ADAMTS20: variants seen among roughly 807,000 people sequenced by gnomAD.
ADAMTS20 encodes the protein ADAM metallopeptidase with thrombospondin type 1 motif 20.
ADAMTS20 carries 225 observed loss-of-function variants against 260.1 expected under a neutral mutation model. The ratio of observed to expected loss-of-function variants is 0.87; its 90% confidence interval spans 0.78 to 0.97. The LOEUF is 0.97. ADAMTS20 is among the 50% of genes least tolerant of loss of function. The pLI is 0.00. For synonymous variants in ADAMTS20, 802 were observed against 769.5 expected (o/e 1.04, Z -0.70); for missense variants, 2,400 against 2,337.7 (o/e 1.03, Z -0.55).
chr12:43,532,533 A>G (rs1245662988), intron 2 of ADAMTS20, among the ~76,000 whole-genome samples: 2 of 122,020 alleles, frequency 1.6e-5, no homozygotes, highest in Non-Finnish European at 3.4e-5. Flanking sequence ...CTGTGGGAAA[A>G]TAGATACTTT....
intron 28 of ADAMTS20, among the ~76,000 whole-genome samples, chr12:43,408,972 C>T (rs925875130): frequency 6.6e-6 from 1 of 152,068 alleles, no homozygotes; most frequent in East Asian, 1.9e-4. Context: ...TATGAAGAAA[C>T]CTGAAATAGT....
chr12:43,371,824 A>G (rs1940115073), intron 36 of ADAMTS20, among the ~76,000 whole-genome samples: 1 of 152,226 alleles, frequency 6.6e-6, no homozygotes, highest in Non-Finnish European at 1.5e-5. Context: ...AGTGAAATGC[A>G]CAATTTTGTC....
intron 31 of ADAMTS20, among the ~76,000 whole-genome samples, chr12:43,382,907 AT>A (rs544097027): frequency 1.3e-5 from 2 of 152,176 alleles, no homozygotes; most frequent in Non-Finnish European, 2.9e-5. Context: ...ATGGAATATT[AT>A]TCAACAATAA....
chr12:43,502,099 T>G lies in ADAMTS20; in HGVS notation c.867+53A>C, dbSNP rs190967785. 2.5e-4 allele frequency: 360 copies of G among 1,456,726 alleles called. 1 individual carries two copies. In the African/African-American group the frequency reaches 4.9e-3, roughly 20 times the overall value. 90.2% of individuals were successfully genotyped at this position (1,456,726 alleles called of 1,614,324 possible). ...AAAATTTAATTCGACATGAAAAAATTTCATTAAGCTAAACATTTTAGGAAA... is the reference window on the plus strand; with the variant it reads ...AAAATTTAATTCGACATGAAAAAATGTCATTAAGCTAAACATTTTAGGAAA... On this transcript the variant is annotated intron_variant, in intron 4 of 38. Transcript: ENST00000389420.
chr12:43,428,367 G>C lies in ADAMTS20; in HGVS notation c.3819C>G (p.Ser1273=). Residue 1273 remains serine (S), a synonymous_variant, in exon 26 of 39, where the codon TCC becomes TCG. Transcript: ENST00000389420. ...CPPAHSHFPS[S]PVQPSYYLST... is the part of the protein sequence containing the mutation. Reference sequence around the variant, plus strand: ...TTAGATAATAGCTTGGCTGCACAGGGGAACTAGGAAAGTGGCTGTGTGCAG... The same window carrying C: ...TTAGATAATAGCTTGGCTGCACAGGCGAACTAGGAAAGTGGCTGTGTGCAG... 1 of 1,613,834 alleles carries C rather than the reference G, an allele frequency of 6.2e-7. No homozygotes were observed. The highest frequency in any genetic ancestry group is 1.1e-5 in the South Asian group (1 of 91,072).
rs944179821 is a variant in ADAMTS20 at position 43,375,393 on chromosome 12, G to T, written c.5432C>A (p.Ser1811Tyr). ...VFSKIRIDLTSMQIKTTDLLF... is the reference protein window; with the variant it reads ...VFSKIRIDLTYMQIKTTDLLF... ...TGAGCACTTACTTTTAATTTGCATG[G>T]AAGTGAGATCAATTCTTATTTTGCT... Residue 1811 changes from serine to tyrosine, a missense_variant, in exon 36 of 39, where the codon TCC (serine) becomes TAC (tyrosine). Physicochemically the swap from Ser to Tyr is moderately radical, Grantham distance 144. Coordinates refer to ENST00000389420, the MANE Select transcript of ADAMTS20 (RefSeq NM_025003.5). The T allele has an allele frequency of 1.2e-5, 20 of 1,612,656 alleles. No homozygotes were observed. Among genetic ancestry groups the T allele is most frequent in the Non-Finnish European group, 1.6e-5 (19 of 1,179,612 alleles).
At chr12:43,375,277 G>T in intron 36 of ADAMTS20, 102 bp downstream of exon 36, 1 of 1,271,066 alleles carries the variant, frequency 7.9e-7, no homozygotes, top group Non-Finnish European at 1.1e-6. Flanking sequence ...CACAATGTCA[G>T]GTCCTTCTCT....
At chr12:43,400,674 T>G (rs1186014181) in intron 28 of ADAMTS20, among the ~76,000 whole-genome samples, 1 of 151,918 alleles carries the variant, frequency 6.6e-6, no homozygotes, top group African/African-American at 2.4e-5. Context: ...CTTTCTTTTC[T>G]TCATTGTTTA....
At chr12:43,375,849 T>C (rs1940214106) in intron 35 of ADAMTS20, among the ~76,000 whole-genome samples, 1 of 152,278 alleles carries the variant, frequency 6.6e-6, no homozygotes, top group East Asian at 1.9e-4. Context: ...TCTCTGTTAA[T>C]AGTCAATATT....
chr12:43,434,962 G>A (rs1250297580), intron 18 of ADAMTS20, among the ~76,000 whole-genome samples: 5 of 151,496 alleles, frequency 3.3e-5, no homozygotes, highest in Admixed American at 6.6e-5. Context: ...TGGAATCATG[G>A]AAAAAAAAGG....
At position 43,399,055 on chromosome 12, in the gene ADAMTS20, A is replaced by G. The variant is rs1448209953; in HGVS notation, c.4452+11T>C. 1.5e-6 allele frequency: 2 copies of G among 1,376,170 alleles called. No homozygotes were observed. Among genetic ancestry groups the G allele is most frequent in the East Asian group, 2.8e-5 (1 of 35,702 alleles). The allele number at this position is 1,376,170 out of a possible 1,614,324, so 85.2% of individuals were successfully genotyped here. On this transcript the variant is annotated intron_variant, in intron 29 of 38. Coordinates refer to ENST00000389420, the MANE Select transcript of ADAMTS20 (RefSeq NM_025003.5). Reference sequence around the variant, plus strand: ...AAATACATATATAATTATAAAATATACATCATATACCTCATTCCAGCTATT... The same window carrying G: ...AAATACATATATAATTATAAAATATGCATCATATACCTCATTCCAGCTATT...
intron 19 of ADAMTS20, among the ~76,000 whole-genome samples, chr12:43,433,953 C>T (rs1376610637): frequency 6.6e-6 from 1 of 152,092 alleles, no homozygotes; most frequent in African/African-American, 2.4e-5. Flanking sequence ...ATCTTTAAAC[C>T]ATCCATTTTC....
In ADAMTS20 at chr12:43,449,505, G is replaced by A. The variant is rs563140128; in HGVS notation, c.2079+2769C>T. 2.6e-5 allele frequency among the ~76,000 whole-genome samples: 4 copies of A among 152,082 alleles called. No individual in the cohort carries two copies. The South Asian group carries it at 6.2e-4, about 24-fold the overall frequency. ...GCTGAGGGTGGAGGGTAGGAGGCGC[G>A]AGAGGATCAGAAAAAGTAACTATTG... is the stretch of plus-strand genomic sequence containing the variant. On this transcript the variant is annotated intron_variant, in intron 14 of 38. Transcript: ENST00000389420.
chr12:43,364,481 T>C (rs1939939866), intron 37 of ADAMTS20, among the ~76,000 whole-genome samples: 1 of 152,136 alleles, frequency 6.6e-6, no homozygotes, highest in South Asian at 2.1e-4. Context: ...GGAGGTATGA[T>C]AACTGTGTCT....
Position 43,464,655 on chromosome 12 carries a change from C to CAGAA in ADAMTS20, c.1444_1445insTTCT (p.Arg482LeufsTer4). The CAGAA allele has an allele frequency of 6.2e-7, 1 of 1,613,428 alleles. No homozygotes were observed. The highest frequency in any genetic ancestry group is 8.5e-7 in the Non-Finnish European group (1 of 1,179,476). ...CTCACACTGCTTGTTTCCATCATAT[C>CAGAA]GTGATCCAGGAAGTTCTGAAGGCAG... On this transcript the variant is annotated frameshift_variant, in exon 10 of 39. Coordinates refer to ENST00000389420, the MANE Select transcript of ADAMTS20 (RefSeq NM_025003.5). LOFTEE classifies it high-confidence loss of function.
At chr12:43,397,753 C>CT (rs35697236) in intron 29 of ADAMTS20, among the ~76,000 whole-genome samples, 3 of 152,112 alleles carry the variant, frequency 2.0e-5, no homozygotes, top group Admixed American at 1.3e-4. Flanking sequence ...AATAATACAT[C>CT]TTTTTTTGTG....
At chr12:43,539,385 G>C (rs1256481801) in intron 2 of ADAMTS20, among the ~76,000 whole-genome samples, 1 of 152,142 alleles carries the variant, frequency 6.6e-6, no homozygotes. Flanking sequence ...AGGATTACAC[G>C]TTTTTAAATA....
intron 11 of ADAMTS20, among the ~76,000 whole-genome samples, chr12:43,462,368 T>C (rs983343481): frequency 5.9e-5 from 9 of 152,198 alleles, no homozygotes; most frequent in African/African-American, 2.4e-5. Context: ...TTATTCAACA[T>C]CATGTTGACA....
At chr12:43,439,830 A>G in intron 17 of ADAMTS20, 67 bp downstream of exon 17, 1 of 1,556,182 alleles carries the variant, frequency 6.4e-7, no homozygotes, top group Admixed American at 1.9e-5. Flanking sequence ...GATAATGTTA[A>G]GCACTTAACC....
Sources: allele counts gnomAD v4.1 joint callset (sites outside exome capture counted in the v4.1 genomes callset), GRCh38; gene constraint gnomAD v4.1.1; transcripts MANE v1.5; gene names NCBI Gene and HGNC (gene_info 2026-07-23, HGNC 2026-07-21).